The following IL1RAPL1 variants were observed in gnomAD, a reference collection of about 807,000 sequenced individuals.
IL1RAPL1 encodes interleukin 1 receptor accessory protein like 1.
Under a neutral mutation model 48.4 loss-of-function variants are expected in IL1RAPL1, and 3 were observed. The ratio of observed to expected loss-of-function variants is 0.06; its 90% CI spans 0.03 to 0.16. The LOEUF (loss-of-function observed/expected upper bound fraction) is 0.16, where lower values mean the gene tolerates loss of function less well. IL1RAPL1 is among the 10% of genes least tolerant of loss of function. The probability of loss-of-function intolerance (pLI) is 1.00; values close to 1 mark genes in which losing one functional copy is unlikely to be tolerated. For missense variants in IL1RAPL1, 349 were observed against 530.6 expected (o/e 0.66, Z 3.36); for synonymous variants, 185 against 187.7 (o/e 0.99, Z 0.12).
intron 9 of IL1RAPL1, among the ~76,000 whole-genome samples, chrX:29,946,438 C>T (rs1381616215): frequency 8.9e-6 from 1 of 111,844 alleles, no homozygotes; most frequent in African/African-American, 3.3e-5. Flanking sequence ...TGTAATCTTG[C>T]ATAATTCTCT....
At chrX:28,812,405 T>C (rs1350347843) in intron 2 of IL1RAPL1, among the ~76,000 whole-genome samples, 1 of 111,039 alleles carries the variant, frequency 9.0e-6, no homozygotes, top group East Asian at 2.8e-4. Flanking sequence ...TTTAACTACA[T>C]ATTCTTGGAT....
At chrX:29,171,887 G>T (rs1301253227) in intron 2 of IL1RAPL1, among the ~76,000 whole-genome samples, 2 of 112,348 alleles carry the variant, frequency 1.8e-5, no homozygotes, top group Non-Finnish European at 3.8e-5. Flanking sequence ...GTTTATTGTG[G>T]TTTTTTAATG....
chrX:29,562,099 A>G lies in IL1RAPL1; in HGVS notation c.704-106331A>G, dbSNP rs867115705. ...ATCTATCTAATCTATCTGTCTATCT[A>G]TCTATCTATCTATCTAATCTATCTA... On this transcript the variant is annotated intron_variant, in intron 5 of 10. Transcript: ENST00000378993. Among the ~76,000 whole-genome samples the G allele has an allele frequency of 2.1e-3, 154 of 72,408 alleles. 1 individual carries two copies. The highest frequency in any genetic ancestry group is 3.0e-3 in the South Asian group (4 of 1,330). The allele number at this position is 72,408 out of a possible 115,157, so 62.9% of individuals were successfully genotyped here.
chrX:28,728,992 C>A (rs1368870794), intron 1 of IL1RAPL1, among the ~76,000 whole-genome samples: 1 of 111,779 alleles, frequency 8.9e-6, no homozygotes, highest in Non-Finnish European at 1.9e-5. Context: ...TTATTTTAAA[C>A]TTAAAGGGAA....
At chrX:29,261,371 C>G (rs1457572105) in intron 2 of IL1RAPL1, among the ~76,000 whole-genome samples, 1 of 111,213 alleles carries the variant, frequency 9.0e-6, no homozygotes, top group Non-Finnish European at 1.9e-5. Flanking sequence ...TGTTTTTAAT[C>G]TAAGTTTCCA....
chrX:29,401,553 A>G (rs1014723), intron 5 of IL1RAPL1, among the ~76,000 whole-genome samples: 42,694 of 110,060 alleles, frequency 0.39, 6,572 homozygotes, highest in Middle Eastern at 0.55. Flanking sequence ...TCTGAATGAT[A>G]AGGAATCACT....
At chrX:29,899,924 A>C (rs1932465501) in intron 6 of IL1RAPL1, among the ~76,000 whole-genome samples, 1 of 111,761 alleles carries the variant, frequency 8.9e-6, no homozygotes, top group Admixed American at 9.5e-5. Context: ...TCAGCACAGA[A>C]AATTCCCTCT....
chrX:29,641,271 T>C (rs1223901873), intron 5 of IL1RAPL1, among the ~76,000 whole-genome samples: 2 of 113,068 alleles, frequency 1.8e-5, no homozygotes, highest in Non-Finnish European at 3.7e-5. Context: ...CCATAAGCGA[T>C]CAGACTGTCT....
chrX:29,616,613 A>G (rs924686072), intron 5 of IL1RAPL1, among the ~76,000 whole-genome samples: 1 of 109,002 alleles, frequency 9.2e-6, no homozygotes, highest in Non-Finnish European at 1.9e-5. Context: ...GTTTGCTGAG[A>G]ATGATGGTTT....
rs758141699 is a variant in IL1RAPL1 at position 29,900,540 on chromosome X, G to A, written c.779-16924G>A. On this transcript the variant is annotated intron_variant, in intron 6 of 10. Coordinates refer to ENST00000378993, the MANE Select transcript of IL1RAPL1 (RefSeq NM_014271.4). ...GTCACAAGCTGCTGTATGTGTTTTA[G>A]AACAGATACTATTTACTATATTACC... 3.1e-3 allele frequency among the ~76,000 whole-genome samples: 352 copies of A among 111,939 alleles called. 2 individuals carry two copies. The highest frequency in any genetic ancestry group is 4.8e-3 in the Non-Finnish European group (256 of 53,192).
chrX:29,240,407 G>C (rs894586351), intron 2 of IL1RAPL1, among the ~76,000 whole-genome samples: 1 of 104,869 alleles, frequency 9.5e-6, no homozygotes, highest in Non-Finnish European at 1.9e-5. Context: ...GCTAATTTTT[G>C]TATTTTTAGT....
intron 1 of IL1RAPL1, among the ~76,000 whole-genome samples, chrX:28,737,423 A>AT (rs1332002701): frequency 4.5e-4 from 49 of 107,804 alleles, no homozygotes; most frequent in African/African-American, 1.3e-3. Context: ...TGCCCAGCTA[A>AT]TTTTTTGTAT....
Position 28,768,751 on chromosome X carries a change from C to A in IL1RAPL1, c.-24-20569C>A, listed in dbSNP as rs796444853. Among the ~76,000 whole-genome samples, 578 of 62,919 alleles carry A rather than the reference C, an allele frequency of 9.2e-3. 2 individuals are homozygous for A. The highest frequency in any genetic ancestry group is 0.022 in the African/African-American group (326 of 15,087). 54.6% of individuals were successfully genotyped at this position (62,919 alleles called of 115,157 possible). A position where few individuals can be genotyped will look rare whatever the true frequency, so the allele number is the denominator to read the frequency against. ...TCTGTCTCTCTCTCTCTCTCTCTCT[C>A]TCTCTATATATATATATATATATAT... On this transcript the variant is annotated intron_variant, in intron 1 of 10. Coordinates refer to ENST00000378993, the MANE Select transcript of IL1RAPL1 (RefSeq NM_014271.4).
intron 6 of IL1RAPL1, among the ~76,000 whole-genome samples, chrX:29,722,298 C>T (rs1178196546): frequency 8.9e-6 from 1 of 112,040 alleles, no homozygotes; most frequent in South Asian, 3.7e-4. Flanking sequence ...TGCCTTAAAA[C>T]TTTACTTGAA....
chrX:29,008,787 T>C (rs1477103509), intron 2 of IL1RAPL1, among the ~76,000 whole-genome samples: 2 of 108,441 alleles, frequency 1.8e-5, no homozygotes, highest in Non-Finnish European at 3.8e-5. Flanking sequence ...CTGAGCATTG[T>C]ACCCAATAGT....
chrX:29,310,093 C>CAAAAAAAAAAAAAAAAAAAAAAAAAA (rs57210050), intron 3 of IL1RAPL1, among the ~76,000 whole-genome samples: 2 of 23,738 alleles, frequency 8.4e-5, no homozygotes, highest in Non-Finnish European at 1.3e-4. Context: ...GACTCCGTCT[C>CAAAAAAAAAAAAAAAAAAAAAAAAAA]AAAAAAAAAA....
intron 2 of IL1RAPL1, among the ~76,000 whole-genome samples, chrX:29,222,558 A>G: frequency 8.9e-6 from 1 of 111,890 alleles, no homozygotes. Context: ...AGTTAGTATT[A>G]TTTCTCTTTT....
At chrX:28,779,328 C>G (rs1377453181) in intron 1 of IL1RAPL1, among the ~76,000 whole-genome samples, 1 of 109,788 alleles carries the variant, frequency 9.1e-6, no homozygotes, top group Non-Finnish European at 1.9e-5. Flanking sequence ...GACCTAGTGT[C>G]TCAAAATACA....
chrX:29,064,394 CTATT>C (rs1238215310), intron 2 of IL1RAPL1, among the ~76,000 whole-genome samples: 1 of 110,423 alleles, frequency 9.1e-6, no homozygotes, highest in African/African-American at 3.3e-5. Context: ...ACAGATTTGA[CTATT>C]TTTTTTTTCT....
Sources: allele counts gnomAD v4.1 joint callset (sites outside exome capture counted in the v4.1 genomes callset), GRCh38; gene constraint gnomAD v4.1.1; transcripts MANE v1.5; gene names NCBI Gene and HGNC (gene_info 2026-07-23, HGNC 2026-07-21).